The following GALNT2 variants were observed in gnomAD, a reference collection of about 807,000 sequenced individuals.
GALNT2 encodes UDP-GalNAc:polypeptide N-acetylgalactosaminyltransferase 2.
In GALNT2, 31 loss-of-function variants were observed where a neutral mutation model predicts 81.4. That is an observed-to-expected ratio of 0.38 (90% CI 0.29 to 0.51). The LOEUF is 0.51. GALNT2 is among the 20% of genes least tolerant of loss of function. The pLI is 0.87. For synonymous variants in GALNT2, 303 were observed against 287.4 expected (o/e 1.05, Z -0.55); for missense variants, 629 against 765.7 (o/e 0.82, Z 2.11).
chr1:230,060,588 A>G (rs769100219), intron 1 of GALNT2, among the ~76,000 whole-genome samples: 2 of 151,952 alleles, frequency 1.3e-5, no homozygotes, highest in Non-Finnish European at 2.9e-5. Context: ...ATGTCTGTTG[A>G]AAGACATTTG....
At chr1:230,060,581 T>C (rs1159378888) in intron 1 of GALNT2, among the ~76,000 whole-genome samples, 1 of 151,996 alleles carries the variant, frequency 6.6e-6, no homozygotes, top group African/African-American at 2.4e-5. Context: ...CTAAGAAATG[T>C]CTGTTGAAAG....
chr1:230,099,011 C>T (rs1293949471), intron 1 of GALNT2, among the ~76,000 whole-genome samples: 5 of 152,144 alleles, frequency 3.3e-5, no homozygotes, highest in African/African-American at 9.7e-5. Flanking sequence ...TTCCCGATCG[C>T]GCGGAATCAC....
intron 1 of GALNT2, among the ~76,000 whole-genome samples, chr1:230,146,222 C>G (rs1273338860): frequency 6.6e-5 from 10 of 152,138 alleles, no homozygotes; most frequent in Non-Finnish European, 1.5e-5. Context: ...TTTTCCCCTC[C>G]CTTTTCATGT....
chr1:230,253,087 A>T (rs952405820), intron 10 of GALNT2, among the ~76,000 whole-genome samples: 9 of 152,120 alleles, frequency 5.9e-5, no homozygotes, highest in African/African-American at 1.4e-4. Flanking sequence ...ACCTCAGGTG[A>T]TCCGCCTGCC....
intron 1 of GALNT2, among the ~76,000 whole-genome samples, chr1:230,096,901 A>G (rs1660269001): frequency 6.6e-6 from 1 of 152,228 alleles, no homozygotes; most frequent in Non-Finnish European, 1.5e-5. Flanking sequence ...ATTCTGCAGA[A>G]TGAGTAATTC....
At chr1:230,116,754 G>A (rs542648489) in intron 1 of GALNT2, among the ~76,000 whole-genome samples, 2 of 152,280 alleles carry the variant, frequency 1.3e-5, no homozygotes, top group South Asian at 4.1e-4. Context: ...AAAATCTTCA[G>A]TAAACCGTGC....
chr1:230,067,366 C>T lies in GALNT2; in HGVS notation c.86C>T (p.Ser29Phe). The T allele has an allele frequency of 1.5e-6, 2 of 1,338,216 alleles. No individual in the cohort carries two copies. The highest frequency in any genetic ancestry group is 1.9e-6 in the Non-Finnish European group (2 of 1,035,226). The allele number at this position is 1,338,216 out of a possible 1,614,324, so 82.9% of individuals were successfully genotyped here. Residue 29 changes from serine to phenylalanine, a missense_variant, in exon 1 of 16, where the codon TCT becomes TTT. Physicochemically the swap from Ser to Phe is radical, Grantham distance 155. This residue lies in a region of GALNT2 where 62 missense variants were observed against 47.3 expected (regional missense o/e 1.31). Transcript: ENST00000366672. ...TACTACATGTACTCGGGGGGCGGCT[C>T]TGCGCTGGCCGGGGGCGCGGGCGGC... ...IAYYMYSGGG[S>F]ALAGGAGGGA...
At chr1:230,119,084 AATT>A (rs1191749336) in intron 1 of GALNT2, among the ~76,000 whole-genome samples, 2 of 152,208 alleles carry the variant, frequency 1.3e-5, no homozygotes, top group Admixed American at 1.3e-4. Context: ...ATCCATATTT[AATT>A]ATCGCTCAAA....
At chr1:230,183,777 A>C (rs1237788285) in intron 2 of GALNT2, among the ~76,000 whole-genome samples, 3 of 152,206 alleles carry the variant, frequency 2.0e-5, no homozygotes, top group Admixed American at 6.5e-5. Flanking sequence ...CAGGAGTTCA[A>C]GACCAGCCTG....
intron 1 of GALNT2, among the ~76,000 whole-genome samples, chr1:230,143,054 C>T (rs1661798283): frequency 6.6e-6 from 1 of 152,100 alleles, no homozygotes; most frequent in African/African-American, 2.4e-5. Context: ...GAGAGCTGCC[C>T]AAGTCCATGT....
chr1:230,229,422 A>T (rs542381810), intron 3 of GALNT2, among the ~76,000 whole-genome samples: 41 of 152,354 alleles, frequency 2.7e-4, no homozygotes, highest in African/African-American at 4.1e-4. Flanking sequence ...ATTTTAAAAC[A>T]TGGTGATACC....
At chr1:230,123,221 C>T (rs571828815) in intron 1 of GALNT2, among the ~76,000 whole-genome samples, 18 of 152,312 alleles carry the variant, frequency 1.2e-4, no homozygotes, top group Admixed American at 1.2e-3. Flanking sequence ...TGACCAAGAA[C>T]AAAATTTCCA....
At chr1:230,232,163 G>A (rs369347730) in intron 3 of GALNT2, among the ~76,000 whole-genome samples, 3 of 152,110 alleles carry the variant, frequency 2.0e-5, no homozygotes, top group Non-Finnish European at 4.4e-5. Context: ...TTGGCTCAAT[G>A]TGAGGACTTA....
At chr1:230,245,666 C>T (rs1665346099) in intron 7 of GALNT2, among the ~76,000 whole-genome samples, 1 of 152,274 alleles carries the variant, frequency 6.6e-6, no homozygotes, top group South Asian at 2.1e-4. Flanking sequence ...GACTCCATTC[C>T]TGAAGTTTAC....
upstream of GALNT2, among the ~76,000 whole-genome samples, chr1:230,063,361 G>A (rs1161588721): frequency 6.6e-6 from 1 of 152,022 alleles, no homozygotes; most frequent in Non-Finnish European, 1.5e-5. Flanking sequence ...ATATGAAGTG[G>A]TATCTCACTG....
rs919666239 is a variant in GALNT2, at chr1:230,271,601, C to T, written c.1441-2844C>T. 6.6e-6 allele frequency among the ~76,000 whole-genome samples: 1 copy of T among 152,266 alleles called. No individual in the cohort carries two copies. The highest frequency in any genetic ancestry group is 1.5e-5 in the Non-Finnish European group (1 of 68,052). Reference sequence around the variant, plus strand: ...CTGTAAATCAGGGCTCCCGCGACCTCGCCTTGAATTCATTCATTTGCAAGA... The same window carrying T: ...CTGTAAATCAGGGCTCCCGCGACCTTGCCTTGAATTCATTCATTTGCAAGA... On this transcript the variant is annotated intron_variant, in intron 14 of 15. Transcript: ENST00000366672. The surrounding 1 kb of genome is among the most constrained non-coding windows in gnomAD (Gnocchi z 4.2).
At chr1:230,156,971 A>G (rs895972084) in intron 1 of GALNT2, among the ~76,000 whole-genome samples, 2 of 152,234 alleles carry the variant, frequency 1.3e-5, no homozygotes, top group Non-Finnish European at 2.9e-5. Context: ...ACTGGGCTGT[A>G]TTATGTTTTG....
chr1:230,267,968 G>A (rs1666077665), intron 14 of GALNT2, among the ~76,000 whole-genome samples: 1 of 152,226 alleles, frequency 6.6e-6, no homozygotes. Context: ...GTGACTGGAG[G>A]AGGCGTCTCC....
chr1:230,153,399 G>A (rs1451585666), intron 1 of GALNT2, among the ~76,000 whole-genome samples: 1 of 152,168 alleles, frequency 6.6e-6, no homozygotes, highest in Non-Finnish European at 1.5e-5. Flanking sequence ...GTCATTGATG[G>A]GGGGTCAGCC....
Sources: allele counts gnomAD v4.1 joint callset (sites outside exome capture counted in the v4.1 genomes callset), GRCh38; gene constraint gnomAD v4.1.1; regional missense constraint gnomAD v4.1.1; non-coding constraint Gnocchi (gnomAD v3.1); transcripts MANE v1.5; gene names NCBI Gene and HGNC (gene_info 2026-07-23, HGNC 2026-07-21).